Variants in BBX observed in about 807,000 individuals in gnomAD.
BBX encodes the protein HMG box transcription factor BBX.
A neutral mutation model predicts 100.2 loss-of-function variants in BBX; 30 were observed. That is an observed-to-expected ratio of 0.30 (90% confidence interval 0.22 to 0.41). The LOEUF (loss-of-function observed/expected upper bound fraction) is 0.41, where lower values mean the gene tolerates loss of function less well. Among genes scored for constraint, BBX ranks in the 10% least tolerant of loss-of-function variants. The pLI is 1.00. For synonymous variants in BBX, 376 were observed against 388.1 expected, an observed-to-expected ratio of 0.97 and a Z score of 0.37; for missense variants, 1,023 against 1,129.8, an observed-to-expected ratio of 0.91 and a Z score of 1.35.
In BBX at chr3:107,798,638, A is replaced by G; in HGVS notation, c.2469A>G (p.Gln823=). 4 of 1,614,142 alleles carry G rather than the reference A, an allele frequency of 2.5e-6. No homozygotes were observed. Among genetic ancestry groups the G allele is most frequent in the Non-Finnish European group, 3.4e-6 (4 of 1,180,026 alleles). ...CGCAAGAACCTTTGGTGGGCAGCCA[A>G]AAGAGAAAAGCAAGGAAAACCAAGA... ...TTTQEPLVGS[Q]KRKARKTKIT... The change falls in exon 16 of 18, where the codon CAA becomes CAG. Residue 823 remains glutamine, a synonymous_variant. Transcript: ENST00000325805.
At chr3:107,780,731 T>A (rs1225832715) in intron 13 of BBX, among the ~76,000 whole-genome samples, 1 of 152,070 alleles carries the variant, frequency 6.6e-6, no homozygotes, top group African/African-American at 2.4e-5. Context: ...TGTGACTGAT[T>A]GTAATTTGGC....
intron 5 of BBX, among the ~76,000 whole-genome samples, chr3:107,723,708 G>C (rs1372199036): frequency 1.3e-5 from 2 of 152,016 alleles, no homozygotes; most frequent in African/African-American, 2.4e-5. Flanking sequence ...ATGGTTTCCA[G>C]CTTCATCCAT....
Position 107,551,664 on chromosome 3 carries a change from A to G in BBX, c.-84+25266A>G, listed in dbSNP as rs556792723. On this transcript the variant is annotated intron_variant, in intron 2 of 17. Transcript: ENST00000325805. ...AAACCAGATCTCAACCCTGGTTTTT[A>G]CACTGATGTGAGTATCCTGTGCCAG... Among the ~76,000 whole-genome samples, 6 of 152,328 alleles carry G rather than the reference A, an allele frequency of 3.9e-5. No individual in the cohort carries two copies. The South Asian group carries it at 1.0e-3, about 26-fold the overall frequency.
chr3:107,621,591 T>A (rs654060), intron 2 of BBX, among the ~76,000 whole-genome samples: 70,956 of 152,044 alleles, frequency 0.47, 17,376 homozygotes, highest in East Asian at 0.89. Flanking sequence ...TCAAAGACAG[T>A]TTGTCATCTC....
chr3:107,761,528 G>C (rs1908323), intron 10 of BBX, among the ~76,000 whole-genome samples: 20,164 of 152,098 alleles, frequency 0.13, 1,604 homozygotes, highest in African/African-American at 0.21. Context: ...GGGTATTCAA[G>C]TGAATTGTTT....
rs1204429331 is a variant in BBX at position 107,629,966 on chromosome 3, A to G, written c.-83-15870A>G. On this transcript the variant is annotated intron_variant, in intron 2 of 17. Transcript: ENST00000325805. ...GTACAGTCTTGCTATAAAAGAGAAT[A>G]AGCCTAACTGGTCTGATTCAATATT... Among the ~76,000 whole-genome samples, 5 of 152,272 alleles carry G rather than the reference A, an allele frequency of 3.3e-5. No individual in the cohort carries two copies. The South Asian group carries it at 1.0e-3, about 32-fold the overall frequency.
intron 3 of BBX, among the ~76,000 whole-genome samples, chr3:107,665,434 T>A (rs2058685285): frequency 6.6e-6 from 1 of 152,116 alleles, no homozygotes; most frequent in South Asian, 2.1e-4. Flanking sequence ...ATCTTCTAAT[T>A]GAAATGAAAA....
chr3:107,708,998 T>G (rs914816400), intron 3 of BBX, among the ~76,000 whole-genome samples: 1 of 152,176 alleles, frequency 6.6e-6, no homozygotes, highest in African/African-American at 2.4e-5. Flanking sequence ...AGGCAAGCAG[T>G]TGGAGGGAGG....
intron 3 of BBX, among the ~76,000 whole-genome samples, chr3:107,700,088 CAAAG>C (rs1285399825): frequency 6.6e-6 from 1 of 151,856 alleles, no homozygotes; most frequent in Admixed American, 6.5e-5. Context: ...CCAGTTTGTA[CAAAG>C]AAAGAGGACT....
At chr3:107,696,741 G>A (rs1021933599) in intron 3 of BBX, among the ~76,000 whole-genome samples, 2 of 151,304 alleles carry the variant, frequency 1.3e-5, no homozygotes, top group African/African-American at 2.4e-5. Context: ...CTGAATGTTG[G>A]CCTGCCTTGC....
chr3:107,747,840 GAT>G, intron 8 of BBX, 123 bp from the exon 9 acceptor site: 1 of 670,960 alleles, frequency 1.5e-6, no homozygotes, highest in Non-Finnish European at 2.5e-6. Flanking sequence ...CTTCTAAAGG[GAT>G]TGAGGGTAAT....
At chr3:107,774,274 T>G (rs1006189337) in intron 11 of BBX, among the ~76,000 whole-genome samples, 5 of 152,216 alleles carry the variant, frequency 3.3e-5, no homozygotes. Context: ...GACTACCTTT[T>G]GCCAAGCTAT....
At chr3:107,569,625 C>G (rs2051193599) in intron 2 of BBX, among the ~76,000 whole-genome samples, 1 of 152,082 alleles carries the variant, frequency 6.6e-6, no homozygotes, top group Non-Finnish European at 1.5e-5. Context: ...AATAAGGGAG[C>G]TGGGCAGGTG....
intron 2 of BBX, among the ~76,000 whole-genome samples, chr3:107,572,818 T>C (rs754370775): frequency 2.6e-5 from 4 of 152,190 alleles, no homozygotes; most frequent in Non-Finnish European, 4.4e-5. Flanking sequence ...TGAAGAGATA[T>C]TGTTAAGTGA....
chr3:107,778,581 G>A (rs2067521871), intron 13 of BBX, 62 bp downstream of exon 13: 2 of 1,549,640 alleles, frequency 1.3e-6, no homozygotes, highest in Non-Finnish European at 1.8e-6. Context: ...CTTCAGCCAA[G>A]CTTTTAGCTC....
At chr3:107,763,511 G>A (rs1204330008) in intron 10 of BBX, among the ~76,000 whole-genome samples, 1 of 152,120 alleles carries the variant, frequency 6.6e-6, no homozygotes, top group Non-Finnish European at 1.5e-5. Context: ...TTGCAGCCAA[G>A]GTTTATTTTA....
intron 15 of BBX, among the ~76,000 whole-genome samples, chr3:107,795,906 A>G (rs965047939): frequency 3.3e-5 from 5 of 152,160 alleles, no homozygotes; most frequent in Non-Finnish European, 7.4e-5. Context: ...ATTAAGTAGA[A>G]ATGAAACCAT....
intron 10 of BBX, among the ~76,000 whole-genome samples, chr3:107,764,322 C>G (rs1035540487): frequency 1.3e-5 from 2 of 152,184 alleles, no homozygotes; most frequent in African/African-American, 4.8e-5. Flanking sequence ...TAAAGTAACT[C>G]TTTCCTTGTG....
In BBX at chr3:107,742,492, G is replaced by A. The variant is rs368920981; in HGVS notation, c.670-2138G>A. On this transcript the variant is annotated intron_variant, in intron 7 of 17. Transcript: ENST00000325805. ...TATACTGAAGATGTATGCTAAATCCGTAATGCTTTAAAGTAAGAATAACTA... is the reference window on the plus strand; with the variant it reads ...TATACTGAAGATGTATGCTAAATCCATAATGCTTTAAAGTAAGAATAACTA... Among the ~76,000 whole-genome samples, 30 of 152,084 alleles carry A rather than the reference G, an allele frequency of 2.0e-4. No homozygotes were observed. The South Asian group carries it at 5.6e-3, about 28-fold the overall frequency.
Sources: allele counts gnomAD v4.1 joint callset (sites outside exome capture counted in the v4.1 genomes callset), GRCh38; gene constraint gnomAD v4.1.1; transcripts MANE v1.5; gene names NCBI Gene and HGNC (gene_info 2026-07-23, HGNC 2026-07-21).